Variants in BATF observed in about 807,000 individuals in gnomAD.
BATF encodes basic leucine zipper transcriptional factor ATF-like.
BATF carries 5 observed loss-of-function variants against 13.7 expected under a neutral mutation model. The ratio of observed to expected loss-of-function variants is 0.36; its 90% CI spans 0.19 to 0.77. BATF has a LOEUF of 0.77. Ranked by LOEUF, BATF falls within the 30% of genes least tolerant of loss-of-function variation. BATF has a pLI of 0.51. For missense variants in BATF, 124 were observed against 163.0 expected (o/e 0.76, Z 1.30); for synonymous variants, 72 against 67.5 (o/e 1.07, Z -0.33).
intron 2 of BATF, among the ~76,000 whole-genome samples, chr14:75,536,236 G>A (rs964053713): frequency 6.6e-6 from 1 of 152,216 alleles, no homozygotes; most frequent in Non-Finnish European, 1.5e-5. Context: ...GCGATCAGGG[G>A]AGGCCTTCCT....
chr14:75,546,685 G>A lies in BATF; in HGVS notation c.*14G>A. Reference sequence around the variant, plus strand: ...TTCCAGCCCTGAGCTTCCGATGCGGGGAGAGCAGAGCCTCGGGAGGGGCAC... The same window carrying A: ...TTCCAGCCCTGAGCTTCCGATGCGGAGAGAGCAGAGCCTCGGGAGGGGCAC... On this transcript the variant is annotated 3_prime_UTR_variant, in exon 3 of 3. Transcript: ENST00000286639. 1 of 1,566,994 alleles carries A rather than the reference G, an allele frequency of 6.4e-7. No individual in the cohort carries two copies. Among genetic ancestry groups the A allele is most frequent in the Non-Finnish European group, 8.6e-7 (1 of 1,156,776 alleles).
At chr14:75,539,496 G>C (rs915539472) in intron 2 of BATF, among the ~76,000 whole-genome samples, 7 of 141,612 alleles carry the variant, frequency 4.9e-5, no homozygotes, top group Non-Finnish European at 1.1e-4. Flanking sequence ...AAGGCAGAAG[G>C]GGTTTGGGAT....
intron 1 of BATF, among the ~76,000 whole-genome samples, chr14:75,524,539 C>A (rs575575452): frequency 2.0e-4 from 30 of 152,274 alleles, no homozygotes; most frequent in Admixed American, 5.2e-4. Flanking sequence ...AGTCCTTGGG[C>A]ACACTCTTAG....
chr14:75,539,803 G>A (rs1343822860), intron 2 of BATF, among the ~76,000 whole-genome samples: 4 of 152,086 alleles, frequency 2.6e-5, no homozygotes, highest in African/African-American at 7.2e-5. Flanking sequence ...CAGCAGTTGG[G>A]GTGAATTTCC....
At chr14:75,539,103 C>A (rs550347634) in intron 2 of BATF, among the ~76,000 whole-genome samples, 1 of 152,158 alleles carries the variant, frequency 6.6e-6, no homozygotes, top group Non-Finnish European at 1.5e-5. Context: ...CAAATCATGG[C>A]CTACTTTTCT....
chr14:75,546,650 CTCCCCGCGCT>C lies in BATF; in HGVS notation c.361_370del (p.Pro121SerfsTer?), dbSNP rs763211458. 6.2e-7 allele frequency: 1 copy of C among 1,605,664 alleles called. No individual in the cohort carries two copies. The highest frequency in any genetic ancestry group is 8.5e-7 in the Non-Finnish European group (1 of 1,176,036). ...ACGCATTCCACCAACCTCATGTCAG[CTCCCCGCGCT>C]TCCAGCCCTGAGCTTCCGATGCGGG... On this transcript the variant is annotated frameshift_variant, in exon 3 of 3. Coordinates refer to ENST00000286639, the MANE Select transcript of BATF (RefSeq NM_006399.5). LOFTEE classifies it high-confidence loss of function.
chr14:75,525,252 C>A lies in BATF; in HGVS notation c.168+64C>A, dbSNP rs562742027. On this transcript the variant is annotated intron_variant, in intron 2 of 2. Coordinates refer to ENST00000286639, the MANE Select transcript of BATF (RefSeq NM_006399.5). ...GGCTTTGCCCTCCGCCATCTGGGAA[C>A]CCTTGGACCATAGCTTTGATTCTGC... 9.9e-5 allele frequency: 149 copies of A among 1,498,326 alleles called. No homozygotes were observed. In the African/African-American group the frequency reaches 1.8e-3, roughly 18 times the overall value. The allele number at this position is 1,498,326 out of a possible 1,614,324, so 92.8% of individuals were successfully genotyped here.
chr14:75,532,526 G>A (rs893279887), intron 2 of BATF, among the ~76,000 whole-genome samples: 24 of 152,158 alleles, frequency 1.6e-4, no homozygotes, highest in African/African-American at 5.6e-4. Context: ...TGAGAAGTCT[G>A]TGTAGCAATA....
intron 2 of BATF, among the ~76,000 whole-genome samples, chr14:75,545,116 G>C (rs1032420604): frequency 2.0e-5 from 3 of 152,174 alleles, no homozygotes; most frequent in Admixed American, 6.5e-5. Context: ...TCACAGGCTT[G>C]GGACACCCCC....
intron 2 of BATF, among the ~76,000 whole-genome samples, chr14:75,539,028 A>G (rs1245115972): frequency 6.6e-6 from 1 of 152,258 alleles, no homozygotes; most frequent in African/African-American, 2.4e-5. Context: ...TCGAAGCATC[A>G]GTATCAGCCA....
intron 2 of BATF, among the ~76,000 whole-genome samples, chr14:75,537,341 G>A (rs1344652600): frequency 6.6e-6 from 1 of 152,144 alleles, no homozygotes; most frequent in African/African-American, 2.4e-5. Flanking sequence ...TTGAGTGGTG[G>A]TTAATCACTC....
chr14:75,538,687 G>C (rs1343248668), intron 2 of BATF, among the ~76,000 whole-genome samples: 2 of 152,236 alleles, frequency 1.3e-5, no homozygotes, highest in Non-Finnish European at 2.9e-5. Flanking sequence ...GGATCACGAG[G>C]TCAGGAGATC....
chr14:75,533,327 A>C (rs6574240), intron 2 of BATF, among the ~76,000 whole-genome samples: 129,778 of 151,502 alleles, frequency 0.86, 56,201 homozygotes, highest in South Asian at 0.93. Flanking sequence ...ACTCGGGAGG[A>C]TGAGGCAGGA....
intron 2 of BATF, among the ~76,000 whole-genome samples, chr14:75,532,195 A>T (rs1887744497): frequency 1.3e-5 from 2 of 152,176 alleles, no homozygotes; most frequent in African/African-American, 4.8e-5. Context: ...TTTCCTAACC[A>T]TTAAGTTTTA....
chr14:75,536,656 G>C (rs959459970), intron 2 of BATF, among the ~76,000 whole-genome samples: 1 of 151,756 alleles, frequency 6.6e-6, no homozygotes, highest in Non-Finnish European at 1.5e-5. Context: ...CCAAGAGGTC[G>C]AGGTTGCAGT....
At chr14:75,531,059 C>CATTAGGA (rs1322355069) in intron 2 of BATF, among the ~76,000 whole-genome samples, 1 of 152,140 alleles carries the variant, frequency 6.6e-6, no homozygotes, top group Non-Finnish European at 1.5e-5. Context: ...ACCACACATG[C>CATTAGGA]ATTAGGAGGA....
At chr14:75,530,819 T>A (rs1000554136) in intron 2 of BATF, among the ~76,000 whole-genome samples, 2 of 152,196 alleles carry the variant, frequency 1.3e-5, no homozygotes, top group Non-Finnish European at 2.9e-5. Flanking sequence ...CAGCCCCTTC[T>A]GTGTTTTTAA....
chr14:75,546,964 A>G lies in BATF; in HGVS notation c.*293A>G, dbSNP rs1887999778. 1 of 702,540 alleles carries G rather than the reference A, an allele frequency of 1.4e-6. No individual in the cohort carries two copies. The highest frequency in any genetic ancestry group is 2.6e-6 in the Non-Finnish European group (1 of 385,150). 43.5% of individuals were successfully genotyped at this position (702,540 alleles called of 1,614,324 possible). A position where few individuals can be genotyped will look rare whatever the true frequency, so the allele number is the denominator to read the frequency against. On this transcript the variant is annotated 3_prime_UTR_variant, in exon 3 of 3. Transcript: ENST00000286639. ...AGAGCAAGGCGGGCAGGGAACGGTT[A>G]TTTTTCTAAATAAATGCTTTAAAAG...
chr14:75,541,402 G>A (rs1186903991), intron 2 of BATF, among the ~76,000 whole-genome samples: 1 of 152,346 alleles, frequency 6.6e-6, no homozygotes, highest in South Asian at 2.1e-4. Context: ...TACCGCTGAT[G>A]GAGCTCACCG....
Sources: allele counts gnomAD v4.1 joint callset (sites outside exome capture counted in the v4.1 genomes callset), GRCh38; gene constraint gnomAD v4.1.1; transcripts MANE v1.5; gene names NCBI Gene and HGNC (gene_info 2026-07-23, HGNC 2026-07-21).